The following ZNF716 variants were observed in gnomAD, a reference collection of about 807,000 sequenced individuals.
ZNF716 encodes zinc finger protein 716.
Under a neutral mutation model 13.4 loss-of-function variants are expected in ZNF716, and 9 were observed. The observed-to-expected ratio is 0.67, with a 90% confidence interval of 0.41 to 1.18. The LOEUF (loss-of-function observed/expected upper bound fraction) is 1.18, where lower values mean the gene tolerates loss of function less well. Ranked by LOEUF, ZNF716 falls within the 50% of genes most tolerant of loss-of-function variation. ZNF716 has a pLI of 0.01. For synonymous variants in ZNF716, 186 were observed against 195.2 expected, an observed-to-expected ratio of 0.95 and a Z score of 0.39; for missense variants, 581 against 576.6, an observed-to-expected ratio of 1.01 and a Z score of -0.08.
Position 57,450,260 on chromosome 7 carries a change from C to T in ZNF716, c.-29C>T. 1.2e-6 allele frequency: 2 copies of T among 1,613,794 alleles called. No individual in the cohort carries two copies. Among genetic ancestry groups the T allele is most frequent in the Non-Finnish European group, 8.5e-7 (1 of 1,179,892 alleles). ...GCTCCTGGAGGCCAAGCCTCTGTGG[C>T]CTTGTGTCCTGCAAGTATTCGCAGA... On this transcript the variant is annotated 5_prime_UTR_variant, in exon 1 of 4. Transcript: ENST00000420713.
chr7:57,451,203 C>T (rs1311803055), intron 1 of ZNF716, among the ~76,000 whole-genome samples: 1 of 151,878 alleles, frequency 6.6e-6, no homozygotes, highest in East Asian at 2.0e-4. Context: ...TTAGTAGAGA[C>T]GTGGTTTCAC....
rs115949517 is a variant in ZNF716, at chr7:57,461,152, C to T, written c.40-1308C>T. On this transcript the variant is annotated intron_variant, in intron 1 of 3. Transcript: ENST00000420713. ...AATTAGCCTGGCATGGTAGCGTGTA[C>T]GTGTGATCCCAGCTACTCAGGGGCT... is the stretch of plus-strand genomic sequence containing the variant. Among the ~76,000 whole-genome samples, 315 of 151,716 alleles carry T rather than the reference C, an allele frequency of 2.1e-3. 1 individual carries two copies. The highest frequency in any genetic ancestry group is 7.3e-3 in the African/African-American group (303 of 41,350).
At chr7:57,456,848 G>A (rs1789601530) in intron 1 of ZNF716, among the ~76,000 whole-genome samples, 1 of 152,128 alleles carries the variant, frequency 6.6e-6, no homozygotes, top group Admixed American at 6.5e-5. Context: ...GGTAAGGGGA[G>A]TCTCTGTTCT....
At chr7:57,467,112 T>TA (rs1284582861) in intron 3 of ZNF716, among the ~76,000 whole-genome samples, 1 of 152,106 alleles carries the variant, frequency 6.6e-6, no homozygotes, top group Non-Finnish European at 1.5e-5. Flanking sequence ...CAGTATATTT[T>TA]AAACTGGTAA....
chr7:57,461,372 G>A (rs1469242522), intron 1 of ZNF716, among the ~76,000 whole-genome samples: 3 of 152,154 alleles, frequency 2.0e-5, no homozygotes, highest in Admixed American at 6.5e-5. Context: ...TAATAAAAAT[G>A]TGTCCCAGTA....
At chr7:57,455,699 G>A (rs1312890045) in intron 1 of ZNF716, among the ~76,000 whole-genome samples, 1 of 151,974 alleles carries the variant, frequency 6.6e-6, no homozygotes, top group South Asian at 2.1e-4. Flanking sequence ...TGCATTTTTA[G>A]TAAAGACAGG....
chr7:57,463,179 G>A lies in ZNF716; in HGVS notation c.262+11G>A, dbSNP rs782213019. 3.2e-5 allele frequency: 52 copies of A among 1,605,850 alleles called. No individual in the cohort carries two copies. Among genetic ancestry groups the A allele is most frequent in the South Asian group, 2.2e-4 (20 of 91,010 alleles). ...TAGCCAAACACCCAGGTAGGTGAGA[G>A]CGAATGAAGCAGATGACACAGATGA... is the stretch of plus-strand genomic sequence containing the variant. On this transcript the variant is annotated intron_variant, in intron 3 of 3. Coordinates refer to ENST00000420713, the MANE Select transcript of ZNF716 (RefSeq NM_001159279.1).
chr7:57,450,909 C>T (rs1016074633), intron 1 of ZNF716, among the ~76,000 whole-genome samples: 1 of 152,124 alleles, frequency 6.6e-6, no homozygotes, highest in Non-Finnish European at 1.5e-5. Context: ...TAGGTAGTTT[C>T]CTTGTTTGTA....
At chr7:57,459,203 A>G (rs1442333510) in intron 1 of ZNF716, among the ~76,000 whole-genome samples, 12 of 152,166 alleles carry the variant, frequency 7.9e-5, no homozygotes, top group Admixed American at 7.9e-4. Flanking sequence ...AAATTATTCA[A>G]CACTTAGTAC....
At chr7:57,468,438 A>G (rs1217403847) in intron 3 of ZNF716, among the ~76,000 whole-genome samples, 1 of 152,154 alleles carries the variant, frequency 6.6e-6, no homozygotes, top group Non-Finnish European at 1.5e-5. Context: ...GGGGATGAGG[A>G]AGGGCTGTGT....
At chr7:57,466,272 A>T (rs1288368331) in intron 3 of ZNF716, among the ~76,000 whole-genome samples, 1 of 152,180 alleles carries the variant, frequency 6.6e-6, no homozygotes, top group Non-Finnish European at 1.5e-5. Context: ...TCCAACCGCA[A>T]TATTGACTGG....
intron 1 of ZNF716, among the ~76,000 whole-genome samples, chr7:57,459,665 C>G (rs1583718216): frequency 1.3e-5 from 2 of 152,264 alleles, no homozygotes; most frequent in East Asian, 3.9e-4. Flanking sequence ...AAGATACATT[C>G]ATGAGAGTTT....
intron 1 of ZNF716, among the ~76,000 whole-genome samples, chr7:57,456,736 A>C (rs567027993): frequency 4.3e-5 from 6 of 140,696 alleles, no homozygotes; most frequent in African/African-American, 1.7e-4. Context: ...CTGCATTTCA[A>C]AAAAAAAAAA....
chr7:57,469,131 T>G lies in ZNF716; in HGVS notation c.670T>G (p.Cys224Gly), dbSNP rs192220596. 1 of 1,610,060 alleles carries G rather than the reference T, an allele frequency of 6.2e-7. No homozygotes were observed. The highest frequency in any genetic ancestry group is 1.3e-5 in the African/African-American group (1 of 74,920). ...KCEECGKSFNCSSTLTRHKRI... is the reference protein window; with the variant it reads ...KCEECGKSFNGSSTLTRHKRI... Reference sequence around the variant, plus strand: ...TGAAGAATGTGGCAAATCCTTTAACTGCTCTTCAACCCTTACTAGACATAA... The same window carrying G: ...TGAAGAATGTGGCAAATCCTTTAACGGCTCTTCAACCCTTACTAGACATAA... Residue 224 changes from cysteine to glycine, a missense_variant, in exon 4 of 4, where the codon TGC becomes GGC. Cys to Gly is a radical substitution (Grantham distance 159). Coordinates refer to ENST00000420713, the MANE Select transcript of ZNF716 (RefSeq NM_001159279.1).
At chr7:57,454,714 T>G (rs1789556206) in intron 1 of ZNF716, among the ~76,000 whole-genome samples, 1 of 152,150 alleles carries the variant, frequency 6.6e-6, no homozygotes, top group African/African-American at 2.4e-5. Context: ...AATTCAGATA[T>G]TCAGATTTAG....
intron 3 of ZNF716, among the ~76,000 whole-genome samples, 198 bp downstream of exon 3, chr7:57,463,366 C>T (rs1273099619): frequency 2.0e-5 from 3 of 152,152 alleles, no homozygotes; most frequent in East Asian, 1.9e-4. Flanking sequence ...ATTCTACTTT[C>T]GGTTTAGTAT....
intron 1 of ZNF716, among the ~76,000 whole-genome samples, chr7:57,457,834 A>T (rs2894770): frequency 0.38 from 58,000 of 151,900 alleles, 11,277 homozygotes; most frequent in East Asian, 0.51. Context: ...GAGGCCTCAG[A>T]GTCTGTTGTT....
intron 3 of ZNF716, among the ~76,000 whole-genome samples, chr7:57,467,164 A>G (rs1183109688): frequency 6.6e-6 from 1 of 152,056 alleles, no homozygotes; most frequent in Admixed American, 6.6e-5. Flanking sequence ...TTCTCATTAT[A>G]TCTATCCCAT....
At position 57,473,003 on chromosome 7, in the gene ZNF716, A is replaced by T. The variant is rs1394276346; in HGVS notation, c.*3054A>T. 6.6e-6 allele frequency: 1 copy of T among 152,186 alleles called. No homozygotes were observed. The highest frequency in any genetic ancestry group is 1.5e-5 in the Non-Finnish European group (1 of 68,030). 9.4% of individuals were successfully genotyped at this position (152,186 alleles called of 1,614,324 possible). Reference sequence around the variant, plus strand: ...CCTTTGTATTACAAACAATCCCATTATACAGTTTTAGTTATTTCAATATGT... The same window carrying T: ...CCTTTGTATTACAAACAATCCCATTTTACAGTTTTAGTTATTTCAATATGT... On this transcript the variant is annotated 3_prime_UTR_variant, in exon 4 of 4. Coordinates refer to ENST00000420713, the MANE Select transcript of ZNF716 (RefSeq NM_001159279.1).
Sources: allele counts gnomAD v4.1 joint callset (sites outside exome capture counted in the v4.1 genomes callset), GRCh38; gene constraint gnomAD v4.1.1; transcripts MANE v1.5; gene names NCBI Gene and HGNC (gene_info 2026-07-23, HGNC 2026-07-21).